The following CSPP1 variants were observed in gnomAD, a reference collection of about 807,000 sequenced individuals.
The protein encoded by CSPP1 is centrosome and spindle pole-associated protein 1.
A neutral mutation model predicts 164.4 loss-of-function variants in CSPP1; 126 were observed. That is an observed-to-expected ratio of 0.77 (90% CI 0.66 to 0.89). CSPP1 has a LOEUF of 0.89. Among genes scored for constraint, CSPP1 ranks in the 40% least tolerant of loss-of-function variants. The pLI is 0.00. For synonymous variants in CSPP1, 472 were observed against 476.7 expected (o/e 0.99, Z 0.13); for missense variants, 1,395 against 1,449.8 (o/e 0.96, Z 0.61).
chr8:67,136,295 G>A (rs1822246556), intron 16 of CSPP1, among the ~76,000 whole-genome samples: 1 of 152,138 alleles, frequency 6.6e-6, no homozygotes, highest in Admixed American at 6.5e-5. Context: ...TCTGTGGCCA[G>A]GCGTGGTGGC....
chr8:67,195,498 C>T lies in CSPP1; in HGVS notation c.3586C>T (p.Arg1196Cys), dbSNP rs759903681. 6 of 1,614,206 alleles carry T rather than the reference C, an allele frequency of 3.7e-6. No homozygotes were observed. Among genetic ancestry groups the T allele is most frequent in the South Asian group, 3.3e-5 (3 of 91,086 alleles). Residue 1196 changes from arginine to cysteine, a missense_variant, in exon 31 of 31, where the codon CGT becomes TGT. Physicochemically the swap from Arg to Cys is radical, Grantham distance 180. Transcript: ENST00000678616. ...LRPGTSETLK[R>C]FMAEQLNQEQ... ...CCCTGGCACTTCAGAAACGCTGAAA[C>T]GTTTCATGGCAGAGCAGCTGAACCA...
At chr8:67,109,634 TTC>T (rs1816400529) in intron 9 of CSPP1, among the ~76,000 whole-genome samples, 1 of 152,154 alleles carries the variant, frequency 6.6e-6, no homozygotes, top group Non-Finnish European at 1.5e-5. Flanking sequence ...ATTGTCGCAT[TTC>T]TCTGTTACTA....
intron 25 of CSPP1, chr8:67,174,981 C>T: frequency 6.7e-6 from 2 of 298,516 alleles, no homozygotes; most frequent in Non-Finnish European, 1.3e-5. Flanking sequence ...GATATACCTG[C>T]ACGTAGTCTG....
chr8:67,175,204 T>G (rs933803709), intron 25 of CSPP1, 92 bp from the exon 26 acceptor site: 1 of 888,254 alleles, frequency 1.1e-6, no homozygotes, highest in Non-Finnish European at 1.8e-6. Context: ...GATTTTGAAA[T>G]TAGGTTACTC....
intron 24 of CSPP1, among the ~76,000 whole-genome samples, chr8:67,170,855 C>T (rs963978500): frequency 6.6e-6 from 1 of 151,872 alleles, no homozygotes; most frequent in Admixed American, 6.6e-5. Flanking sequence ...TGCACTATCT[C>T]GGCTCACTGC....
intron 22 of CSPP1, among the ~76,000 whole-genome samples, 156 bp downstream of exon 22, chr8:67,162,071 G>A (rs1370379247): frequency 2.0e-5 from 3 of 152,174 alleles, no homozygotes; most frequent in Non-Finnish European, 4.4e-5. Context: ...TGCTTCGATT[G>A]TAACTGATAG....
intron 1 of CSPP1, among the ~76,000 whole-genome samples, chr8:67,066,766 CAT>C (rs1249491304): frequency 6.6e-6 from 1 of 151,696 alleles, no homozygotes; most frequent in Non-Finnish European, 1.5e-5. Flanking sequence ...TATATACACA[CAT>C]ATATATTTGT....
rs11296619 is a variant in CSPP1 at position 67,149,947 on chromosome 8, C to CTTTTTTTTT, written c.2128+28_2128+36dup. 3.3e-5 allele frequency: 38 copies of CTTTTTTTTT among 1,138,990 alleles called. No homozygotes were observed. The highest frequency in any genetic ancestry group is 1.1e-4 in the South Asian group (5 of 45,690). 70.6% of individuals were successfully genotyped at this position (1,138,990 alleles called of 1,614,324 possible). On this transcript the variant is annotated intron_variant, in intron 18 of 30. Coordinates refer to ENST00000678616, the MANE Select transcript of CSPP1 (RefSeq NM_001382391.1). Reference sequence around the variant, plus strand: ...AAATAAAAGCTCAGGTTTTTAATCACTTTTTTTTTTTTTTTTTTTTTTTTA... The same window carrying CTTTTTTTTT: ...AAATAAAAGCTCAGGTTTTTAATCACTTTTTTTTTTTTTTTTTTTTTTTTTTTTTTTTTA...
Position 67,158,530 on chromosome 8 carries a change from A to G in CSPP1, c.2325A>G (p.Glu775=). 6.2e-7 allele frequency: 1 copy of G among 1,612,832 alleles called. No individual in the cohort carries two copies. The highest frequency in any genetic ancestry group is 8.5e-7 in the Non-Finnish European group (1 of 1,179,176). ...AAAAAGAAGAAAGACGGCTTGCAGA[A>G]CAGAGGGCACGAATTCAGCAGGAGT... is the stretch of plus-strand genomic sequence containing the variant. The part of the protein sequence containing the change: ...AEEKEERRLA[E]QRARIQQEYE... Residue 775 remains glutamate, a synonymous_variant, in exon 20 of 31, where the codon GAA becomes GAG. Coordinates refer to ENST00000678616, the MANE Select transcript of CSPP1 (RefSeq NM_001382391.1).
intron 17 of CSPP1, among the ~76,000 whole-genome samples, chr8:67,141,532 T>C (rs891593355): frequency 2.0e-5 from 3 of 152,250 alleles, no homozygotes; most frequent in Non-Finnish European, 4.4e-5. Flanking sequence ...TCTTTATTTT[T>C]ATTTTTTGAG....
At chr8:67,172,616 C>CACCTAGATTTACACGTATTATCAATTACG in intron 25 of CSPP1, 61 bp downstream of exon 25, 2 of 1,360,426 alleles carry the variant, frequency 1.5e-6, no homozygotes, top group African/African-American at 1.5e-5. Context: ...ATTTAAATAT[C>CACCTAGATTTACACGTATTATCAATTACG]TATAAAGATC....
chr8:67,124,916 A>G (rs1819768966), intron 15 of CSPP1, among the ~76,000 whole-genome samples: 1 of 152,040 alleles, frequency 6.6e-6, no homozygotes, highest in Non-Finnish European at 1.5e-5. Flanking sequence ...CCTGGCCTCA[A>G]ACCACCTTGG....
chr8:67,101,950 G>A lies in CSPP1; in HGVS notation c.924-1087G>A, dbSNP rs144837291. Among the ~76,000 whole-genome samples the A allele has an allele frequency of 1.2e-4, 19 of 152,232 alleles. No individual in the cohort carries two copies. The East Asian group carries it at 3.5e-3, about 28-fold the overall frequency. ...ATGCTTATGAAATGCTGATTTTCAC[G>A]GATGCCAATAAGTGTTGGTGTAAAA... On this transcript the variant is annotated intron_variant, in intron 7 of 30. Coordinates refer to ENST00000678616, the MANE Select transcript of CSPP1 (RefSeq NM_001382391.1).
chr8:67,095,076 C>G (rs555289889), intron 6 of CSPP1, among the ~76,000 whole-genome samples: 1 of 152,016 alleles, frequency 6.6e-6, no homozygotes, highest in African/African-American at 2.4e-5. Flanking sequence ...TATCCATTCC[C>G]CTGTTGATGG....
chr8:67,149,171 T>C (rs1389613822), intron 17 of CSPP1, among the ~76,000 whole-genome samples: 1 of 152,190 alleles, frequency 6.6e-6, no homozygotes, highest in African/African-American at 2.4e-5. Flanking sequence ...GTCCTTATGG[T>C]ATGGCAGTTG....
intron 24 of CSPP1, among the ~76,000 whole-genome samples, chr8:67,167,031 C>T (rs568140736): frequency 3.9e-5 from 6 of 152,076 alleles, no homozygotes; most frequent in East Asian, 3.9e-4. Flanking sequence ...CAGAGAGCAC[C>T]GGGTTGGGGG....
rs869295836 is a variant in CSPP1, at chr8:67,195,799, A to AT, written c.*211dup. The stretch of plus-strand genomic sequence containing the variant: ...TTTATATAATAGAATTGTATAGATT[A>AT]TTTTTGCACAGTTTTGTCATAAATT... On this transcript the variant is annotated 3_prime_UTR_variant, in exon 31 of 31. Transcript: ENST00000678616. 3 of 529,294 alleles carry AT rather than the reference A, an allele frequency of 5.7e-6. No individual in the cohort carries two copies. In the East Asian group the frequency reaches 9.9e-5, roughly 18 times the overall value. The allele number at this position is 529,294 out of a possible 1,614,324, so 32.8% of individuals were successfully genotyped here.
chr8:67,150,141 T>G (rs1345107076), intron 18 of CSPP1, among the ~76,000 whole-genome samples: 1 of 152,158 alleles, frequency 6.6e-6, no homozygotes, highest in Non-Finnish European at 1.5e-5. Context: ...TTCTTCCTAC[T>G]GTGTTTCTTC....
chr8:67,086,081 C>A lies in CSPP1; in HGVS notation c.274C>A (p.Arg92=), dbSNP rs367889164. ...RKKHKLKEEL[R]QDYRRYLTQK... ...GAAACATAAATTAAAAGAAGAATTGCGGCAAGATTACAGACGTTATCTTAC... is the reference window on the plus strand; with the variant it reads ...GAAACATAAATTAAAAGAAGAATTGAGGCAAGATTACAGACGTTATCTTAC... The change falls in exon 4 of 31, where the codon CGG becomes AGG. Residue 92 remains arginine, a synonymous_variant. Coordinates refer to ENST00000678616, the MANE Select transcript of CSPP1 (RefSeq NM_001382391.1). 9.4e-6 allele frequency: 14 copies of A among 1,491,968 alleles called. No homozygotes were observed. The highest frequency in any genetic ancestry group is 5.5e-5 in the African/African-American group (4 of 72,540). The allele number at this position is 1,491,968 out of a possible 1,614,324, so 92.4% of individuals were successfully genotyped here. A position where few individuals can be genotyped will look rare whatever the true frequency, so the allele number is the denominator to read the frequency against.
Sources: gnomAD v4.1 joint callset for allele counts (sites outside exome capture counted in the v4.1 genomes callset) on GRCh38, gnomAD v4.1.1 for gene constraint, MANE v1.5 for transcripts, NCBI Gene and HGNC (gene_info 2026-07-23, HGNC 2026-07-21) for gene names.